The following GABRR1 variants were observed in gnomAD, a reference collection of about 807,000 sequenced individuals.
GABRR1 encodes the protein gamma-aminobutyric acid receptor subunit rho-1.
GABRR1 carries 59 observed loss-of-function variants against 55.5 expected under a neutral mutation model. The observed-to-expected ratio is 1.06, with a 90% CI of 0.86 to 1.32. The LOEUF (loss-of-function observed/expected upper bound fraction) is 1.32, where lower values mean the gene tolerates loss of function less well. Ranked by LOEUF, GABRR1 falls within the 40% of genes most tolerant of loss-of-function variation. The pLI, the probability that GABRR1 is intolerant of heterozygous loss-of-function variation, is 0.00. For missense variants in GABRR1, 602 were observed against 619.1 expected (o/e 0.97, Z 0.29); for synonymous variants, 213 against 226.0 (o/e 0.94, Z 0.51).
At position 89,217,238 on chromosome 6, in the gene GABRR1, G is replaced by T. The variant is rs764411286; in HGVS notation, c.85C>A (p.Pro29Thr). 6.2e-7 allele frequency: 1 copy of T among 1,613,866 alleles called. No individual in the cohort carries two copies. Among genetic ancestry groups the T allele is most frequent in the Non-Finnish European group, 8.5e-7 (1 of 1,179,914 alleles). Reference sequence around the variant, plus strand: ...GACATCTCGTGGACTTCTCTTCCGGGCCAGTGCATTCTGCTTTCAGTGGCC... The same window carrying T: ...GACATCTCGTGGACTTCTCTTCCGGTCCAGTGCATTCTGCTTTCAGTGGCC... ...VLATESRMHWPGREVHEMSKK... is the reference protein window; with the variant it reads ...VLATESRMHWTGREVHEMSKK... The change falls in exon 1 of 10, where the codon CCC becomes ACC. Residue 29 changes from proline to threonine, a missense_variant. By Grantham distance (38) the Pro-to-Thr change is conservative. Around this residue, in one of 3 missense-constraint regions of GABRR1, gnomAD observed 435 missense variants for 424.2 expected, o/e 1.03. Transcript: ENST00000454853.
chr6:89,201,413 TC>T, intron 2 of GABRR1, 148 bp from the exon 3 acceptor site: 1 of 610,012 alleles, frequency 1.6e-6, no homozygotes, highest in Non-Finnish European at 3.0e-6. Flanking sequence ...TCTTTCTCCA[TC>T]TTTCTGGATA....
intron 9 of GABRR1, 124 bp from the exon 10 acceptor site, chr6:89,179,187 G>A (rs1451297696): frequency 6.2e-6 from 6 of 973,650 alleles, no homozygotes; most frequent in Non-Finnish European, 8.9e-6. Flanking sequence ...GAAGAGGGTA[G>A]GTATCCTGTT....
intron 1 of GABRR1, among the ~76,000 whole-genome samples, chr6:89,229,338 A>AG (rs1562324588): frequency 6.6e-6 from 1 of 150,852 alleles, no homozygotes; most frequent in Non-Finnish European, 1.5e-5. Context: ...TCGTTAGTTG[A>AG]CACAGTTTCT....
chr6:89,206,675 G>A (rs1479402834), intron 1 of GABRR1, among the ~76,000 whole-genome samples: 1 of 151,686 alleles, frequency 6.6e-6, no homozygotes, highest in African/African-American at 2.4e-5. Context: ...GAGTGCAGTG[G>A]TGCAATTATA....
chr6:89,211,318 GC>G (rs779327353), intron 1 of GABRR1, among the ~76,000 whole-genome samples: 4 of 152,130 alleles, frequency 2.6e-5, no homozygotes, highest in East Asian at 3.9e-4. Context: ...CATTGTTGCC[GC>G]CCCTGGCCTC....
chr6:89,199,368 A>G lies in GABRR1; in HGVS notation c.342T>C (p.Val114=). ...TGGTCAGAGAAGCACTTACCATGTC[A>G]ACCTCTGAGATGCTATCCAAACTCT... is the stretch of plus-strand genomic sequence containing the variant. ...QVESLDSISE[V]DMDFTMTLYL... Residue 114 remains valine (V), a synonymous_variant, in exon 4 of 10, where the codon GTT becomes GTC. Transcript: ENST00000454853. 1 of 1,613,858 alleles carries G rather than the reference A, an allele frequency of 6.2e-7. No individual in the cohort carries two copies. Among genetic ancestry groups the G allele is most frequent in the African/African-American group, 1.3e-5 (1 of 75,020 alleles).
intron 4 of GABRR1, among the ~76,000 whole-genome samples, chr6:89,198,607 G>A (rs753913559): frequency 2.0e-5 from 3 of 152,106 alleles, no homozygotes; most frequent in Non-Finnish European, 4.4e-5. Flanking sequence ...AGAGAAGGCG[G>A]TGGATACATA....
chr6:89,193,343 T>C (rs1237786351), intron 5 of GABRR1, among the ~76,000 whole-genome samples: 1 of 152,216 alleles, frequency 6.6e-6, no homozygotes. Flanking sequence ...GTTGACATGT[T>C]TTCCTTAAAA....
chr6:89,192,075 A>C (rs1202828098), intron 5 of GABRR1, among the ~76,000 whole-genome samples: 1 of 150,938 alleles, frequency 6.6e-6, no homozygotes, highest in Non-Finnish European at 1.5e-5. Context: ...TTGGCATTTG[A>C]GTGGTCAGTT....
intron 5 of GABRR1, among the ~76,000 whole-genome samples, chr6:89,196,377 A>G (rs1582388433): frequency 6.6e-6 from 1 of 152,180 alleles, no homozygotes; most frequent in East Asian, 1.9e-4. Flanking sequence ...TAGCATACCA[A>G]TGGTCACATA....
intron 1 of GABRR1, chr6:89,205,500 G>T (rs1269354218): frequency 2.6e-5 from 4 of 152,246 alleles, no homozygotes; most frequent in Non-Finnish European, 5.9e-5. Context: ...GTGTACATTT[G>T]TTGAACACCC....
At chr6:89,220,137 A>G (rs1773092544), upstream of GABRR1, among the ~76,000 whole-genome samples, 2 of 152,202 alleles carry the variant, frequency 1.3e-5, no homozygotes, top group African/African-American at 4.8e-5. Context: ...GGTAGAAAGG[A>G]CATTAAATGG....
At chr6:89,226,187 T>C (rs1174738608) in intron 1 of GABRR1, among the ~76,000 whole-genome samples, 1 of 151,530 alleles carries the variant, frequency 6.6e-6, no homozygotes, top group African/African-American at 2.4e-5. Flanking sequence ...ATGAGTAGGT[T>C]GCGAAAATTT....
chr6:89,218,134 A>G (rs1338104233), upstream of GABRR1, among the ~76,000 whole-genome samples: 2 of 152,200 alleles, frequency 1.3e-5, no homozygotes, highest in Non-Finnish European at 2.9e-5. Flanking sequence ...TCATCAAAAG[A>G]CAGTCTCAGA....
intron 6 of GABRR1, among the ~76,000 whole-genome samples, chr6:89,189,799 C>T (rs904653701): frequency 6.6e-6 from 1 of 152,174 alleles, no homozygotes; most frequent in Non-Finnish European, 1.5e-5. Context: ...GGCATGGTGG[C>T]TCACGCCTGT....
chr6:89,190,532 T>C (rs186941467), intron 5 of GABRR1, among the ~76,000 whole-genome samples: 1 of 152,358 alleles, frequency 6.6e-6, no homozygotes, highest in Admixed American at 6.5e-5. Flanking sequence ...TCAATGAATA[T>C]AATAATGTGA....
At position 89,217,199 on chromosome 6, in the gene GABRR1, A is replaced by G. The variant is rs1773012947; in HGVS notation, c.122+2T>C. ...ATCCTCTATCCCTAAATGTCCACTC[A>G]CCTGCCTTTCTTAGACATCTCGTGG... On this transcript the variant is annotated splice_donor_variant, in intron 1 of 9. Coordinates refer to ENST00000454853, the MANE Select transcript of GABRR1 (RefSeq NM_002042.5). LOFTEE classifies it high-confidence loss of function. The G allele has an allele frequency of 1.9e-6, 3 of 1,613,752 alleles. No individual in the cohort carries two copies. The highest frequency in any genetic ancestry group is 1.7e-5 in the Admixed American group (1 of 59,970).
Position 89,180,386 on chromosome 6 carries a change from C to T in GABRR1, c.1052G>A (p.Ser351Asn), listed in dbSNP as rs533367206. 8 of 1,613,982 alleles carry T rather than the reference C, an allele frequency of 5.0e-6. No individual in the cohort carries two copies. In the South Asian group the frequency reaches 7.7e-5, roughly 16 times the overall value. Reference sequence around the variant, plus strand: ...CACCGAGAGGAACACGAACACAAAGCTGACCCAGAGGTAGATGTCCACGGC... The same window carrying T: ...CACCGAGAGGAACACGAACACAAAGTTGACCCAGAGGTAGATGTCCACGGC... ...IKAVDIYLWV[S>N]FVFVFLSVLE... Residue 351 changes from serine to asparagine, a missense_variant, in exon 9 of 10, where the codon AGC (serine) becomes AAC (asparagine). Coordinates refer to ENST00000454853, the MANE Select transcript of GABRR1 (RefSeq NM_002042.5).
chr6:89,226,741 A>G (rs201517079), intron 1 of GABRR1, among the ~76,000 whole-genome samples: 13 of 101,656 alleles, frequency 1.3e-4, no homozygotes, highest in African/African-American at 8.1e-5. Context: ...TTGACTTGGC[A>G]ATGCGGGCTC....
Sources: allele counts gnomAD v4.1 joint callset (sites outside exome capture counted in the v4.1 genomes callset), GRCh38; gene constraint gnomAD v4.1.1; regional missense constraint gnomAD v4.1.1; transcripts MANE v1.5; gene names NCBI Gene and HGNC (gene_info 2026-07-23, HGNC 2026-07-21).